EIF2AK3: variants seen among roughly 807,000 people sequenced by gnomAD.
EIF2AK3 encodes eukaryotic translation initiation factor 2-alpha kinase 3.
Under a neutral mutation model 113.5 loss-of-function variants are expected in EIF2AK3, and 50 were observed. That is an observed-to-expected ratio of 0.44 (90% CI 0.35 to 0.56). EIF2AK3 has a LOEUF of 0.56. Ranked by LOEUF, EIF2AK3 falls within the 20% of genes least tolerant of loss-of-function variation. The pLI, the probability that EIF2AK3 is intolerant of heterozygous loss-of-function variation, is 0.00. For missense variants in EIF2AK3, 1,185 were observed against 1,378.0 expected, an observed-to-expected ratio of 0.86 and a Z score of 2.22; for synonymous variants, 448 against 495.4, an observed-to-expected ratio of 0.90 and a Z score of 1.27.
intron 10 of EIF2AK3, among the ~76,000 whole-genome samples, chr2:88,580,322 T>G (rs964818315): frequency 6.6e-6 from 1 of 152,184 alleles, no homozygotes; most frequent in African/African-American, 2.4e-5. Flanking sequence ...AATTCAAGGT[T>G]TTGCTTCTGC....
At position 88,627,113 on chromosome 2, in the gene EIF2AK3, G is replaced by A. The variant is rs771716189; in HGVS notation, c.162C>T (p.Thr54=). 1.3e-6 allele frequency: 2 copies of A among 1,519,482 alleles called. No homozygotes were observed. Among genetic ancestry groups the A allele is most frequent in the South Asian group, 1.2e-5 (1 of 82,548 alleles). The allele number at this position is 1,519,482 out of a possible 1,614,324, so 94.1% of individuals were successfully genotyped here. Residue 54 remains threonine (T), a synonymous_variant, in exon 1 of 17, where the codon ACC becomes ACT. Transcript: ENST00000303236. ...CCGCCGCCGGTACTCGCGTCGCTGA[G>A]GTGGGAGCAGCGGCCGCCCCGAGGC... ...AFGLGAAAAP[T]SATRVPAAGA...
rs550164133 is a variant in EIF2AK3, at chr2:88,601,829, T to C, written c.439-6166A>G. On this transcript the variant is annotated intron_variant, in intron 2 of 16. Coordinates refer to ENST00000303236, the MANE Select transcript of EIF2AK3 (RefSeq NM_004836.7). ...TTCTTTCTGCATTTATTAGTTAAGA[T>C]TTTTCTTTTTTTTTTTTTTTTTTTT... Among the ~76,000 whole-genome samples, 38 of 138,070 alleles carry C rather than the reference T, an allele frequency of 2.8e-4. No individual in the cohort carries two copies. In the South Asian group the frequency reaches 8.1e-3, roughly 29 times the overall value. 90.6% of individuals were successfully genotyped at this position (138,070 alleles called of 152,430 possible).
chr2:88,597,448 C>T (rs1401661482), intron 2 of EIF2AK3, among the ~76,000 whole-genome samples: 1 of 152,124 alleles, frequency 6.6e-6, no homozygotes, highest in Non-Finnish European at 1.5e-5. Flanking sequence ...CTAAAGACCC[C>T]AAATCCTAAA....
chr2:88,580,961 G>A (rs60676261), intron 10 of EIF2AK3, among the ~76,000 whole-genome samples: 34,867 of 152,028 alleles, frequency 0.23, 4,474 homozygotes, highest in Middle Eastern at 0.44. Context: ...TACTCCTGGA[G>A]GGCCAGCTGA....
intron 1 of EIF2AK3, among the ~76,000 whole-genome samples, chr2:88,618,502 T>A (rs915470176): frequency 2.0e-5 from 3 of 152,200 alleles, no homozygotes; most frequent in Non-Finnish European, 4.4e-5. Flanking sequence ...AACCCAAGTG[T>A]ACCTGATCAT....
intron 1 of EIF2AK3, among the ~76,000 whole-genome samples, chr2:88,623,540 C>T (rs1186637310): frequency 6.6e-6 from 1 of 152,084 alleles, no homozygotes; most frequent in African/African-American, 2.4e-5. Flanking sequence ...TAATTCCACA[C>T]CTCCTCCTTT....
chr2:88,587,561 T>C (rs1227950003), intron 8 of EIF2AK3, among the ~76,000 whole-genome samples: 1 of 152,202 alleles, frequency 6.6e-6, no homozygotes, highest in Admixed American at 6.5e-5. Context: ...AAAAACACAT[T>C]TTCTTCATTA....
At chr2:88,603,918 C>G (rs1360053672) in intron 2 of EIF2AK3, among the ~76,000 whole-genome samples, 1 of 152,148 alleles carries the variant, frequency 6.6e-6, no homozygotes, top group Non-Finnish European at 1.5e-5. Flanking sequence ...CATGTTCTTC[C>G]TTTCTATACC....
chr2:88,591,154 G>A, intron 4 of EIF2AK3, 102 bp from the exon 5 acceptor site: 1 of 1,072,486 alleles, frequency 9.3e-7, no homozygotes, highest in Non-Finnish European at 1.4e-6. Context: ...AAAATTATGT[G>A]ATGAGAAAAC....
intron 6 of EIF2AK3, among the ~76,000 whole-genome samples, chr2:88,589,849 A>C (rs761232362): frequency 2.0e-5 from 3 of 152,044 alleles, no homozygotes; most frequent in Non-Finnish European, 4.4e-5. Context: ...ATTCTTGGCT[A>C]ATGAGTAATT....
In EIF2AK3 at chr2:88,613,851, G is replaced by A. The variant is rs757041625; in HGVS notation, c.311C>T (p.Ser104Leu). 7 of 1,611,096 alleles carry A rather than the reference G, an allele frequency of 4.3e-6. No homozygotes were observed. The highest frequency in any genetic ancestry group is 4.0e-5 in the African/African-American group (3 of 74,846). Reference sequence around the variant, plus strand: ...ATCTAAAGTGCTGATAATTACTAATGACCTGTAAATATTAAAAATATTTTT... The same window carrying A: ...ATCTAAAGTGCTGATAATTACTAATAACCTGTAAATATTAAAAATATTTTT... ...DETELRPRGRSLVIISTLDGR... is the reference protein window; with the variant it reads ...DETELRPRGRLLVIISTLDGR... Residue 104 changes from serine (S) to leucine (L), a missense_variant and splice_region_variant, in exon 2 of 17, where the codon TCA becomes TTA. This residue lies in a region of EIF2AK3 where 189 missense variants were observed against 175.2 expected (regional missense o/e 1.08). Transcript: ENST00000303236.
chr2:88,558,025 A>G, intron 16 of EIF2AK3, 89 bp from the exon 17 acceptor site: 2 of 1,334,956 alleles, frequency 1.5e-6, no homozygotes, highest in South Asian at 1.2e-5. Context: ...ATATTTCTGT[A>G]CATATTTTAA....
rs1363655599 is a variant in EIF2AK3, at chr2:88,562,269, T to C, written c.3087+20A>G. The C allele has an allele frequency of 1.8e-5, 29 of 1,596,446 alleles. No homozygotes were observed. The highest frequency in any genetic ancestry group is 2.5e-5 in the Non-Finnish European group (29 of 1,164,360). ...TATTTTCTGTTTGAAACTTTTTTTT[T>C]GAGTAGGGAGGGTACTTACCCTGAC... is the stretch of plus-strand genomic sequence containing the variant. On this transcript the variant is annotated intron_variant, in intron 15 of 16. Transcript: ENST00000303236.
intron 6 of EIF2AK3, 96 bp from the exon 7 acceptor site, chr2:88,588,997 A>T: frequency 7.4e-7 from 1 of 1,348,250 alleles, no homozygotes; most frequent in African/African-American, 1.5e-5. Flanking sequence ...ATTTCTACAT[A>T]CACCACAAAA....
Position 88,595,711 on chromosome 2 carries a change from T to G in EIF2AK3, c.439-48A>C, listed in dbSNP as rs774927161. The G allele has an allele frequency of 2.6e-6, 4 of 1,531,074 alleles. No individual in the cohort carries two copies. The South Asian group carries it at 4.6e-5, about 18-fold the overall frequency. The allele number at this position is 1,531,074 out of a possible 1,614,324, so 94.8% of individuals were successfully genotyped here. A position where few individuals can be genotyped will look rare whatever the true frequency, so the allele number is the denominator to read the frequency against. ...AAAAGGGCCATAACATTAATTATTA[T>G]TTTTTTCTTATTTCTCCCAGAAAAA... On this transcript the variant is annotated intron_variant, in intron 2 of 16. Transcript: ENST00000303236.
At chr2:88,596,053 G>A (rs1675012701) in intron 2 of EIF2AK3, among the ~76,000 whole-genome samples, 1 of 152,154 alleles carries the variant, frequency 6.6e-6, no homozygotes, top group Non-Finnish European at 1.5e-5. Flanking sequence ...TGTGTAACAT[G>A]ATTATGTGTA....
intron 1 of EIF2AK3, among the ~76,000 whole-genome samples, chr2:88,619,437 C>G (rs1333276946): frequency 1.3e-5 from 2 of 152,170 alleles, no homozygotes; most frequent in East Asian, 3.8e-4. Flanking sequence ...TATAGTTCAC[C>G]ATCTCTCCCC....
rs553356281 is a variant in EIF2AK3, at chr2:88,620,818, C to T, written c.308+6149G>A. 4.1e-4 allele frequency among the ~76,000 whole-genome samples: 63 copies of T among 152,356 alleles called. 1 individual carries two copies. The highest frequency in any genetic ancestry group is 7.7e-4 in the East Asian group (4 of 5,194). On this transcript the variant is annotated intron_variant, in intron 1 of 16. Transcript: ENST00000303236. ...CATTCGAGGATAGTTAATTCTTTAA[C>T]ACAATGATCTGTCAGGCTTGGAGCT...
rs1312301765 is a variant in EIF2AK3 at position 88,557,008 on chromosome 2, G to A, written c.*728C>T. The A allele has an allele frequency of 6.6e-6, 1 of 152,274 alleles. No homozygotes were observed. The highest frequency in any genetic ancestry group is 2.4e-5 in the African/African-American group (1 of 41,452). 9.4% of individuals were successfully genotyped at this position (152,274 alleles called of 1,614,324 possible). A position where few individuals can be genotyped will look rare whatever the true frequency, so the allele number is the denominator to read the frequency against. ...TTTCATTAGGCTTAAAAAGTCCATA[G>A]TTGAAGAAGTTAGTTGTAATATATA... is the stretch of plus-strand genomic sequence containing the variant. On this transcript the variant is annotated 3_prime_UTR_variant, in exon 17 of 17. Coordinates refer to ENST00000303236, the MANE Select transcript of EIF2AK3 (RefSeq NM_004836.7).
Sources: gnomAD v4.1 joint callset for allele counts (sites outside exome capture counted in the v4.1 genomes callset) on GRCh38, gnomAD v4.1.1 for gene constraint, gnomAD v4.1.1 regional missense constraint, MANE v1.5 for transcripts, NCBI Gene and HGNC (gene_info 2026-07-23, HGNC 2026-07-21) for gene names.